ABCC5: variants seen among roughly 807,000 people sequenced by gnomAD.
The protein encoded by ABCC5 is ATP-binding cassette sub-family C member 5.
In ABCC5, 61 loss-of-function variants were observed where a neutral mutation model predicts 160.9. That is an observed-to-expected ratio of 0.38 (90% CI 0.31 to 0.47). The LOEUF is 0.47. Among genes scored for constraint, ABCC5 ranks in the 20% least tolerant of loss-of-function variants. ABCC5 has a pLI of 0.99. For missense variants in ABCC5, 1,308 were observed against 1,813.3 expected (o/e 0.72, Z 5.06); for synonymous variants, 666 against 700.6 (o/e 0.95, Z 0.78).
intron 12 of ABCC5, 164 bp downstream of exon 12, chr3:183,967,531 A>AG (rs908584223): frequency 1.6e-6 from 1 of 645,072 alleles, no homozygotes; most frequent in East Asian, 2.8e-5. Flanking sequence ...AAGGCTGTGA[A>AG]GGGGGAGAAC....
At chr3:183,925,452 T>C (rs1267206456) in intron 29 of ABCC5, 103 bp downstream of exon 29, 2 of 1,239,580 alleles carry the variant, frequency 1.6e-6, no homozygotes, top group South Asian at 1.6e-5. Flanking sequence ...CAAGTGCTTA[T>C]CTGAATGCCC....
chr3:183,926,251 T>C (rs1712543965), intron 28 of ABCC5, among the ~76,000 whole-genome samples: 1 of 151,306 alleles, frequency 6.6e-6, no homozygotes, highest in South Asian at 2.1e-4. Context: ...AAACAGCATA[T>C]TTGTAAAATA....
At chr3:183,997,513 C>A (rs1164431004) in intron 2 of ABCC5, among the ~76,000 whole-genome samples, 1 of 152,126 alleles carries the variant, frequency 6.6e-6, no homozygotes, top group African/African-American at 2.4e-5. Context: ...GAACTTACTT[C>A]CTTCCTCCTA....
intron 2 of ABCC5, among the ~76,000 whole-genome samples, chr3:184,012,241 G>GT (rs56079614): frequency 0.011 from 1,652 of 147,022 alleles, 29 homozygotes; most frequent in African/African-American, 0.038. Context: ...AAATAAAAAG[G>GT]TTTTTTTTTT....
In ABCC5 at chr3:183,981,814, G is replaced by A. The variant is rs778051283; in HGVS notation, c.1060C>T (p.Arg354Cys). The A allele has an allele frequency of 3.1e-6, 5 of 1,611,582 alleles. No homozygotes were observed. The highest frequency in any genetic ancestry group is 4.2e-6 in the Non-Finnish European group (5 of 1,179,338). ...RRKCVAATDE[R>C]VQKMNEVLTY... ...AGAACTTCATTCATCTTCTGGACAC[G>A]TTCATCCGTGGCGGCCACGCATTTT... is the stretch of plus-strand genomic sequence containing the variant. Residue 354 changes from arginine (R) to cysteine (C), a missense_variant, in exon 8 of 30, where the codon CGT (arginine) becomes TGT (cysteine). Arg to Cys is a radical substitution (Grantham distance 180, BLOSUM62 -3). Transcript: ENST00000334444.
At chr3:183,939,981 A>G (rs1179064122) in intron 25 of ABCC5, among the ~76,000 whole-genome samples, 1 of 152,142 alleles carries the variant, frequency 6.6e-6, no homozygotes, top group Non-Finnish European at 1.5e-5. Flanking sequence ...GTCTACAGCC[A>G]CGACCCCACT....
intron 5 of ABCC5, chr3:183,985,805 CA>C: frequency 4.6e-6 from 1 of 218,010 alleles, no homozygotes. Context: ...CCGGCGTCAC[CA>C]AAACCTTGGA....
intron 2 of ABCC5, among the ~76,000 whole-genome samples, chr3:184,011,683 T>C (rs1721755865): frequency 1.3e-5 from 2 of 152,162 alleles, no homozygotes; most frequent in Non-Finnish European, 2.9e-5. Flanking sequence ...AAAGAAGCTA[T>C]GGTACATCTA....
chr3:183,961,824 C>T (rs979813945), intron 15 of ABCC5, among the ~76,000 whole-genome samples, 170 bp from the exon 16 acceptor site: 1 of 152,106 alleles, frequency 6.6e-6, no homozygotes. Flanking sequence ...CTGTCGTTCA[C>T]GCTGGAGCGT....
intron 17 of ABCC5, among the ~76,000 whole-genome samples, chr3:183,954,821 T>C (rs1006710122): frequency 6.6e-6 from 1 of 152,150 alleles, no homozygotes; most frequent in Non-Finnish European, 1.5e-5. Flanking sequence ...CCCAAGGCAG[T>C]TGGATTACAG....
At chr3:183,972,633 T>C (rs1284897963) in intron 10 of ABCC5, among the ~76,000 whole-genome samples, 3 of 152,076 alleles carry the variant, frequency 2.0e-5, no homozygotes, top group Non-Finnish European at 2.9e-5. Context: ...GACCCCTGAG[T>C]TATGTTAAAA....
intron 2 of ABCC5, among the ~76,000 whole-genome samples, chr3:183,997,085 A>C (rs1720345645): frequency 6.6e-6 from 1 of 152,194 alleles, no homozygotes; most frequent in African/African-American, 2.4e-5. Context: ...GTTGGCAAGA[A>C]CTTTCAAATG....
intron 10 of ABCC5, 167 bp from the exon 11 acceptor site, chr3:183,972,086 G>C: frequency 6.9e-7 from 1 of 1,442,290 alleles, no homozygotes; most frequent in Non-Finnish European, 9.4e-7. Context: ...GGCCCATCAA[G>C]GGGTCACGGG....
rs1455591923 is a variant in ABCC5 at position 183,941,063 on chromosome 3, T to C, written c.3694+1664A>G. Among the ~76,000 whole-genome samples, 9 of 152,172 alleles carry C rather than the reference T, an allele frequency of 5.9e-5. No individual in the cohort carries two copies. The South Asian group carries it at 6.2e-4, about 10-fold the overall frequency. ...TTAGTAGAGATGAGGTTTCACCATG[T>C]TGGCCAGGCTGGTCTTGAACTCCTG... On this transcript the variant is annotated intron_variant, in intron 25 of 29. Transcript: ENST00000334444.
At chr3:183,966,435 GC>G (rs780503808) in intron 12 of ABCC5, among the ~76,000 whole-genome samples, 21 of 152,328 alleles carry the variant, frequency 1.4e-4, no homozygotes, top group Admixed American at 3.9e-4. Context: ...GGGCTGACCA[GC>G]CCAACCCGTT....
intron 11 of ABCC5, 86 bp downstream of exon 11, chr3:183,971,477 T>C (rs1216987862): frequency 1.7e-5 from 22 of 1,305,914 alleles, no homozygotes; most frequent in Non-Finnish European, 2.3e-5. Flanking sequence ...AAGCACTTTG[T>C]GAAAAGGAAC....
chr3:183,971,807 A>G lies in ABCC5; in HGVS notation c.1517T>C (p.Ile506Thr). Reference sequence around the variant, plus strand: ...GGGGGTCAGCTTGGGCGAGTTCTGGATACTGGAGTGGGAGGAGTCCCATGC... The same window carrying G: ...GGGGGTCAGCTTGGGCGAGTTCTGGGTACTGGAGTGGGAGGAGTCCCATGC... ...TLAWDSSHSS[I>T]QNSPKLTPKM... The change falls in exon 11 of 30, where the codon ATC (isoleucine) becomes ACC (threonine). Residue 506 changes from isoleucine to threonine, a missense_variant. This residue lies in a region of ABCC5 where 1,142 missense variants were observed against 1,527.1 expected (regional missense o/e 0.75). Coordinates refer to ENST00000334444, the MANE Select transcript of ABCC5 (RefSeq NM_005688.4). 6.2e-7 allele frequency: 1 copy of G among 1,614,030 alleles called. No individual in the cohort carries two copies. The highest frequency in any genetic ancestry group is 2.2e-5 in the East Asian group (1 of 44,872).
At chr3:183,999,149 C>CCAGTA (rs1427916522) in intron 2 of ABCC5, among the ~76,000 whole-genome samples, 2 of 151,354 alleles carry the variant, frequency 1.3e-5, no homozygotes, top group African/African-American at 4.9e-5. Context: ...TACTAACCTG[C>CCAGTA]CAGTAACTGC....
chr3:183,967,585 G>A, intron 12 of ABCC5, 110 bp downstream of exon 12: 5 of 918,716 alleles, frequency 5.4e-6, no homozygotes, highest in Non-Finnish European at 8.9e-6. Context: ...TGCAGGCTGA[G>A]GGTTCATTTG....
Sources: allele counts gnomAD v4.1 joint callset (sites outside exome capture counted in the v4.1 genomes callset), GRCh38; gene constraint gnomAD v4.1.1; regional missense constraint gnomAD v4.1.1; transcripts MANE v1.5; gene names NCBI Gene and HGNC (gene_info 2026-07-23, HGNC 2026-07-21).